HYDIN: variants seen among roughly 807,000 people sequenced by gnomAD.
HYDIN encodes the protein HYDIN axonemal central pair apparatus protein, also known as axonemal central pair apparatus protein HYDIN.
Under a neutral mutation model 403.9 loss-of-function variants are expected in HYDIN, and 132 were observed. The observed-to-expected ratio is 0.33, with a 90% CI of 0.28 to 0.38. The LOEUF is 0.38. HYDIN is among the 10% of genes least tolerant of loss of function. The probability of loss-of-function intolerance (pLI) is 1.00; values close to 1 mark genes in which losing one functional copy is unlikely to be tolerated. For missense variants in HYDIN, 2,827 were observed against 5,009.5 expected (o/e 0.56, Z 13.15); for synonymous variants, 1,202 against 1,891.7 (o/e 0.64, Z 9.46).
At chr16:70,823,618 C>A (rs2036401188) in intron 83 of HYDIN, among the ~76,000 whole-genome samples, 1 of 151,522 alleles carries the variant, frequency 6.6e-6, no homozygotes, top group East Asian at 1.9e-4. Flanking sequence ...TCTAATGTTC[C>A]CCAGCACTGA....
intron 7 of HYDIN, among the ~76,000 whole-genome samples, chr16:71,141,006 T>C (rs1438220239): frequency 6.6e-6 from 1 of 151,904 alleles, no homozygotes; most frequent in Non-Finnish European, 1.5e-5. Flanking sequence ...TGATCCTCAC[T>C]GATGCTGAAA....
chr16:71,175,816 CT>C, intron 4 of HYDIN, 75 bp from the exon 5 acceptor site: 1 of 1,464,494 alleles, frequency 6.8e-7, no homozygotes, highest in Non-Finnish European at 9.5e-7. Flanking sequence ...AATCCATCAA[CT>C]ACTTACTAGA....
chr16:71,097,994 A>G (rs1475373920), intron 10 of HYDIN, among the ~76,000 whole-genome samples: 1 of 152,110 alleles, frequency 6.6e-6, no homozygotes, highest in Non-Finnish European at 1.5e-5. Context: ...TTAAAGACAG[A>G]ATACTTGTCC....
chr16:70,906,989 T>A (rs1284813460), intron 50 of HYDIN, among the ~76,000 whole-genome samples: 1 of 152,234 alleles, frequency 6.6e-6, no homozygotes, highest in East Asian at 1.9e-4. Flanking sequence ...CAATCTCATC[T>A]ACGTCTGTGG....
At chr16:71,229,013 G>A (rs1016782944) in intron 1 of HYDIN, among the ~76,000 whole-genome samples, 3 of 152,026 alleles carry the variant, frequency 2.0e-5, no homozygotes, top group Non-Finnish European at 4.4e-5. Context: ...GTAGGGACAT[G>A]GATGAAGCTG....
intron 45 of HYDIN, among the ~76,000 whole-genome samples, chr16:70,928,228 C>G (rs916816060): frequency 3.3e-5 from 5 of 152,134 alleles, no homozygotes; most frequent in Non-Finnish European, 5.9e-5. Flanking sequence ...TTTGGGAGGC[C>G]GAGGCGGGTG....
chr16:70,915,223 C>G (rs1164732599), intron 47 of HYDIN, among the ~76,000 whole-genome samples: 2 of 152,094 alleles, frequency 1.3e-5, no homozygotes, highest in East Asian at 1.9e-4. Context: ...CTTGTTTTGT[C>G]ATATTATCAG....
chr16:70,878,495 G>A (rs2143676077), intron 62 of HYDIN, among the ~76,000 whole-genome samples: 1 of 134,918 alleles, frequency 7.4e-6, no homozygotes, highest in East Asian at 2.1e-4. Flanking sequence ...TAGTGGCAAT[G>A]TCTTGTAGGG....
intron 56 of HYDIN, 107 bp downstream of exon 56, chr16:70,892,254 C>T: frequency 7.0e-7 from 1 of 1,428,038 alleles, no homozygotes; most frequent in South Asian, 1.5e-5. Context: ...CCAGGCCAGC[C>T]CTCCCCTTTT....
intron 40 of HYDIN, among the ~76,000 whole-genome samples, 183 bp downstream of exon 40, chr16:70,955,192 C>T (rs2078194987): frequency 6.6e-6 from 1 of 152,072 alleles, no homozygotes; most frequent in South Asian, 2.1e-4. Flanking sequence ...TTGGGCAGGG[C>T]AGGAGACCCA....
intron 75 of HYDIN, among the ~76,000 whole-genome samples, chr16:70,842,370 G>C (rs1054938325): frequency 6.6e-6 from 1 of 151,606 alleles, no homozygotes; most frequent in East Asian, 1.9e-4. Flanking sequence ...GGACTCTGTC[G>C]TTACATGCAT....
rs1159564864 is a variant in HYDIN, at chr16:70,974,361, C to G, written c.4910-61G>C. On this transcript the variant is annotated intron_variant, in intron 32 of 85. Coordinates refer to ENST00000393567, the MANE Select transcript of HYDIN (RefSeq NM_001270974.2). ...AGAGAAACAGCAAACAAGAGCTGCT[C>G]TAGAGAAAGCCCCCACTGGGTCAGA... 8.7e-6 allele frequency: 13 copies of G among 1,492,382 alleles called. No individual in the cohort carries two copies. In the Admixed American group the frequency reaches 2.5e-4, roughly 29 times the overall value. 92.4% of individuals were successfully genotyped at this position (1,492,382 alleles called of 1,614,324 possible).
Position 70,804,716 on chromosome 16 carries a change from C to T in HYDIN, c.*2864G>A, listed in dbSNP as rs1356313252. On this transcript the variant is annotated 3_prime_UTR_variant, in exon 86 of 86. Transcript: ENST00000393567. ...CAGGGTCTACGTGATTCTGAAACAG[C>T]AGGCACCAAACAGCTATGAGGAAGC... Among the ~76,000 whole-genome samples the T allele has an allele frequency of 6.6e-6, 1 of 152,344 alleles. No individual in the cohort carries two copies. Among genetic ancestry groups the T allele is most frequent in the African/African-American group, 2.4e-5 (1 of 41,580 alleles).
At chr16:71,000,591 C>T (rs1421250587) in intron 23 of HYDIN, among the ~76,000 whole-genome samples, 1 of 152,090 alleles carries the variant, frequency 6.6e-6, no homozygotes, top group Admixed American at 6.5e-5. Flanking sequence ...GAGCTAAAGG[C>T]CTACCCCGCT....
At chr16:71,087,875 A>ATG (rs2082977200) in intron 12 of HYDIN, 2 of 155,354 alleles carry the variant, frequency 1.3e-5, no homozygotes, top group Admixed American at 6.4e-5. Context: ...GCTTGGAGAC[A>ATG]TAATAGTGAG....
intron 71 of HYDIN, among the ~76,000 whole-genome samples, chr16:70,859,620 A>G (rs1368419247): frequency 4.6e-5 from 7 of 152,174 alleles, no homozygotes; most frequent in African/African-American, 9.7e-5. Context: ...ATTCTGCTCC[A>G]TATCATTTGT....
chr16:70,908,753 T>A lies in HYDIN; in HGVS notation c.8113A>T (p.Arg2705Trp). The A allele has an allele frequency of 6.2e-7, 1 of 1,614,196 alleles. No homozygotes were observed. The highest frequency in any genetic ancestry group is 8.5e-7 in the Non-Finnish European group (1 of 1,180,042). The change falls in exon 48 of 86, where the codon AGG becomes TGG. Residue 2705 changes from arginine to tryptophan, a missense_variant. Coordinates refer to ENST00000393567, the MANE Select transcript of HYDIN (RefSeq NM_001270974.2). ...GCAGGTTCCCCAGAAAGGACCTTCC[T>A]GTTTAAGGCCATGTGACGCTTGTCT... Reference protein sequence around the residue: ...QKDKRHMALNRKVLSGEPAGT... With the variant: ...QKDKRHMALNWKVLSGEPAGT...
Position 70,804,603 on chromosome 16 carries a change from A to G in HYDIN, c.*2977T>C, listed in dbSNP as rs1260067909. Among the ~76,000 whole-genome samples the G allele has an allele frequency of 6.6e-6, 1 of 150,674 alleles. No individual in the cohort carries two copies. Among genetic ancestry groups the G allele is most frequent in the African/African-American group, 2.5e-5 (1 of 40,402 alleles). On this transcript the variant is annotated 3_prime_UTR_variant, in exon 86 of 86. Transcript: ENST00000393567. ...AGTTGTTTCACTGGTACACAGGACC[A>G]AGAATAAATATCTCAAACGGAAAAC...
chr16:71,061,435 A>G (rs1288107256), intron 17 of HYDIN, among the ~76,000 whole-genome samples: 1 of 152,282 alleles, frequency 6.6e-6, no homozygotes, highest in Non-Finnish European at 1.5e-5. Context: ...CTAGTTCCCA[A>G]GTAAACCACA....
Sources: gnomAD v4.1 joint callset for allele counts (sites outside exome capture counted in the v4.1 genomes callset) on GRCh38, gnomAD v4.1.1 for gene constraint, MANE v1.5 for transcripts, NCBI Gene and HGNC (gene_info 2026-07-23, HGNC 2026-07-21) for gene names.